ETNK2: variants seen among roughly 807,000 people sequenced by gnomAD.
The protein encoded by ETNK2 is ethanolamine kinase-like protein.
In ETNK2, 33 loss-of-function variants were observed where a neutral mutation model predicts 46.2. The observed-to-expected ratio is 0.71, with a 90% CI of 0.54 to 0.96. The LOEUF is 0.96. Among genes scored for constraint, ETNK2 ranks in the 40% least tolerant of loss-of-function variants. The probability of loss-of-function intolerance (pLI) is 0.00; values close to 1 mark genes in which losing one functional copy is unlikely to be tolerated. For synonymous variants in ETNK2, 194 were observed against 209.0 expected (o/e 0.93, Z 0.62); for missense variants, 445 against 509.7 (o/e 0.87, Z 1.22).
At chr1:204,147,646 G>A in intron 2 of ETNK2, 1 of 485,668 alleles carries the variant, frequency 2.1e-6, no homozygotes, top group South Asian at 1.5e-5. Flanking sequence ...CAATCACTGG[G>A]AAAGACAACA....
intron 3 of ETNK2, chr1:204,143,095 A>G (rs1657623797): frequency 6.6e-6 from 1 of 152,162 alleles, no homozygotes; most frequent in Admixed American, 6.5e-5. Flanking sequence ...CTCTGAGTCC[A>G]GGGAGTCTGC....
chr1:204,137,944 CCA>C, intron 5 of ETNK2, among the ~76,000 whole-genome samples: 1 of 152,254 alleles, frequency 6.6e-6, no homozygotes, highest in South Asian at 2.1e-4. Flanking sequence ...GTAGAATAAA[CCA>C]CAGCTTCAGA....
At position 204,149,871 on chromosome 1, in the gene ETNK2, C is replaced by T. The variant is rs202185285; in HGVS notation, c.350G>A (p.Arg117Gln). The T allele has an allele frequency of 3.8e-6, 6 of 1,594,492 alleles. No individual in the cohort carries two copies. Among genetic ancestry groups the T allele is most frequent in the African/African-American group, 1.3e-5 (1 of 74,570 alleles). ...CTCCCGGTCCACCAGCAGCTCCGTC[C>T]GCTCCCCATACACCCGGACCAGCAC... is the stretch of plus-strand genomic sequence containing the variant. Reference protein sequence around the residue: ...DCVLVRVYGERTELLVDRENE... With the variant: ...DCVLVRVYGEQTELLVDRENE... The change falls in exon 2 of 8, where the codon CGG becomes CAG. Residue 117 changes from arginine to glutamine, a missense_variant. By Grantham distance (43) the Arg-to-Gln change is conservative. Coordinates refer to ENST00000367202, the MANE Select transcript of ETNK2 (RefSeq NM_018208.4).
chr1:204,139,556 G>C (rs1441989698), intron 5 of ETNK2, among the ~76,000 whole-genome samples: 2 of 152,148 alleles, frequency 1.3e-5, no homozygotes, highest in African/African-American at 4.8e-5. Context: ...TGGAGGACAA[G>C]AGCTATCTAG....
chr1:204,137,392 G>A (rs760801872), intron 5 of ETNK2, 143 bp from the exon 6 acceptor site: 1 of 1,071,696 alleles, frequency 9.3e-7, no homozygotes, highest in Non-Finnish European at 1.3e-6. Context: ...GGCCCGAGAA[G>A]GCAGCTTCTT....
intron 5 of ETNK2, among the ~76,000 whole-genome samples, chr1:204,139,347 A>T (rs1657408617): frequency 2.6e-5 from 4 of 152,168 alleles, no homozygotes; most frequent in Non-Finnish European, 5.9e-5. Context: ...GTGCTGTGCT[A>T]GCCAAGCTGC....
intron 1 of ETNK2, among the ~76,000 whole-genome samples, chr1:204,150,734 C>T (rs1018840213): frequency 3.9e-5 from 6 of 152,162 alleles, no homozygotes; most frequent in African/African-American, 7.2e-5. Flanking sequence ...CCTTGACAGT[C>T]TTATACCAAA....
intron 2 of ETNK2, among the ~76,000 whole-genome samples, chr1:204,147,239 C>A (rs1246284745): frequency 6.6e-6 from 1 of 152,212 alleles, no homozygotes; most frequent in Non-Finnish European, 1.5e-5. Flanking sequence ...GAAATGCCCG[C>A]CTCTTATCAG....
At chr1:204,139,589 C>G (rs1044063628) in intron 5 of ETNK2, among the ~76,000 whole-genome samples, 2 of 152,182 alleles carry the variant, frequency 1.3e-5, no homozygotes, top group Admixed American at 6.5e-5. Flanking sequence ...AAGTATAGAA[C>G]CACCTCTGGC....
At chr1:204,147,849 G>A (rs185927066) in intron 2 of ETNK2, among the ~76,000 whole-genome samples, 1 of 152,360 alleles carries the variant, frequency 6.6e-6, no homozygotes, top group East Asian at 1.9e-4. Context: ...CCTCCTGGGT[G>A]AGAGAGGAAG....
chr1:204,147,192 A>G (rs1365384069), intron 2 of ETNK2, among the ~76,000 whole-genome samples: 1 of 152,190 alleles, frequency 6.6e-6, no homozygotes, highest in African/African-American at 2.4e-5. Context: ...TTCACTTTGC[A>G]CCAAGAGATC....
chr1:204,151,037 A>G lies in ETNK2; in HGVS notation c.258+558T>C. On this transcript the variant is annotated intron_variant, in intron 1 of 7. Transcript: ENST00000367202. The surrounding 1 kb of genome is among the most constrained non-coding windows in gnomAD (Gnocchi z 8.0). ...CTGTGTCCAGCTGGGGCTGGGGAAG[A>G]TGGCCTGTGTGGGGGTGCTGAGCCC... 5.9e-6 allele frequency: 1 copy of G among 169,586 alleles called. No individual in the cohort carries two copies. The highest frequency in any genetic ancestry group is 1.2e-5 in the Non-Finnish European group (1 of 80,162). The allele number at this position is 169,586 out of a possible 1,614,324, so 10.5% of individuals were successfully genotyped here.
chr1:204,136,755 A>G (rs1657302202), intron 6 of ETNK2, among the ~76,000 whole-genome samples: 1 of 151,882 alleles, frequency 6.6e-6, no homozygotes, highest in Non-Finnish European at 1.5e-5. Context: ...TATATGGATG[A>G]ATTTAACTGC....
chr1:204,148,951 T>G (rs1028023846), intron 2 of ETNK2, among the ~76,000 whole-genome samples: 1 of 152,170 alleles, frequency 6.6e-6, no homozygotes, highest in Non-Finnish European at 1.5e-5. Context: ...GCCCTCCGTG[T>G]GGGTCATGAC....
At chr1:204,148,139 C>T (rs1294432116) in intron 2 of ETNK2, among the ~76,000 whole-genome samples, 1 of 152,080 alleles carries the variant, frequency 6.6e-6, no homozygotes, top group Non-Finnish European at 1.5e-5. Flanking sequence ...TTCCTGGAGG[C>T]CTTCCCCATA....
intron 5 of ETNK2, among the ~76,000 whole-genome samples, chr1:204,139,272 C>G (rs944567004): frequency 1.3e-5 from 2 of 152,200 alleles, no homozygotes; most frequent in African/African-American, 4.8e-5. Flanking sequence ...CCCTCATGTA[C>G]AATTGCGCCA....
At chr1:204,146,510 T>C (rs1181281234) in intron 3 of ETNK2, 132 bp downstream of exon 3, 1 of 1,051,482 alleles carries the variant, frequency 9.5e-7, no homozygotes, top group Non-Finnish European at 1.4e-6. Context: ...CTGAAGGGAC[T>C]GCAGGAGAAA....
At chr1:204,145,609 C>T (rs997495971) in intron 3 of ETNK2, among the ~76,000 whole-genome samples, 3 of 152,236 alleles carry the variant, frequency 2.0e-5, no homozygotes, top group Non-Finnish European at 4.4e-5. Flanking sequence ...CAAAGCAGTG[C>T]TTGATAGGCA....
intron 3 of ETNK2, among the ~76,000 whole-genome samples, chr1:204,144,778 C>T (rs1657713395): frequency 6.6e-6 from 1 of 152,150 alleles, no homozygotes; most frequent in African/African-American, 2.4e-5. Flanking sequence ...ATCTACTCGT[C>T]ACTCAGGAGC....
Sources: allele counts gnomAD v4.1 joint callset (sites outside exome capture counted in the v4.1 genomes callset), GRCh38; gene constraint gnomAD v4.1.1; non-coding constraint Gnocchi (gnomAD v3.1); transcripts MANE v1.5; gene names NCBI Gene and HGNC (gene_info 2026-07-23, HGNC 2026-07-21).